The following STAG2 variants were observed in gnomAD, a reference collection of about 807,000 sequenced individuals.
STAG2 encodes the protein STAG2 cohesin complex component.
A neutral mutation model predicts 108.1 loss-of-function variants in STAG2; 14 were observed. The ratio of observed to expected loss-of-function variants is 0.13; its 90% CI spans 0.09 to 0.20. The LOEUF is 0.20. STAG2 is among the 10% of genes least tolerant of loss of function. The pLI is 1.00. For synonymous variants in STAG2, 307 were observed against 302.7 expected, an observed-to-expected ratio of 1.01 and a Z score of -0.15; for missense variants, 440 against 940.9, an observed-to-expected ratio of 0.47 and a Z score of 6.96.
At chrX:124,094,502 A>C (rs761292432) in intron 33 of STAG2, among the ~76,000 whole-genome samples, 11 of 112,331 alleles carry the variant, frequency 9.8e-5, no homozygotes, top group Non-Finnish European at 2.1e-4. Flanking sequence ...CATTATCAAA[A>C]CAATATATTA....
intron 1 of STAG2, among the ~76,000 whole-genome samples, chrX:124,009,437 A>G (rs1280911668): frequency 2.2e-5 from 2 of 89,070 alleles, no homozygotes; most frequent in African/African-American, 7.9e-5. Flanking sequence ...GTAGGTAGGT[A>G]GGTAGGTAGA....
chrX:124,100,478 T>G, intron 34 of STAG2, 96 bp from the exon 35 acceptor site: 1 of 754,613 alleles, frequency 1.3e-6, no homozygotes, highest in Non-Finnish European at 2.0e-6. Flanking sequence ...TAGCATGTTA[T>G]TTAACATAAT....
intron 1 of STAG2, among the ~76,000 whole-genome samples, chrX:123,972,866 C>CAAAAAA (rs747333406): frequency 0.018 from 399 of 21,916 alleles, 15 homozygotes; most frequent in South Asian, 0.068. Context: ...ACCAAAAATA[C>CAAAAAA]AAAAAAAAAA....
At chrX:124,082,213 C>T (rs561701796) in intron 28 of STAG2, among the ~76,000 whole-genome samples, 14 of 111,724 alleles carry the variant, frequency 1.3e-4, no homozygotes, top group Middle Eastern at 4.6e-3. Context: ...TGCACTCTTA[C>T]TTTGTAGTGA....
At chrX:123,960,564 C>T (rs1299195628), upstream of STAG2, 4 of 87,112 alleles carry the variant, frequency 4.6e-5, no homozygotes, top group African/African-American at 1.9e-4. Context: ...CTCCAAGTCG[C>T]CGAAGAGCGA....
At chrX:123,973,985 A>G (rs150090889) in intron 1 of STAG2, among the ~76,000 whole-genome samples, 6 of 111,468 alleles carry the variant, frequency 5.4e-5, no homozygotes, top group African/African-American at 2.0e-4. Context: ...AATACCGTGT[A>G]TTGGGTTTAC....
At chrX:124,055,343 A>G (rs565460872) in intron 13 of STAG2, among the ~76,000 whole-genome samples, 2 of 112,006 alleles carry the variant, frequency 1.8e-5, no homozygotes, top group East Asian at 2.8e-4. Context: ...TTGAATTTAC[A>G]TATAATGGTA....
At chrX:123,997,942 CTTG>C (rs1276958841) in intron 1 of STAG2, among the ~76,000 whole-genome samples, 1 of 111,792 alleles carries the variant, frequency 8.9e-6, no homozygotes, top group East Asian at 2.8e-4. Context: ...CGCCTGGTCC[CTTG>C]TTGTTTAATA....
At chrX:124,072,900 CTTTCTT>C (rs1406698827) in intron 25 of STAG2, among the ~76,000 whole-genome samples, 24 of 84,772 alleles carry the variant, frequency 2.8e-4, no homozygotes, top group East Asian at 1.7e-3. Context: ...TTCTTTCTTT[CTTTCTT>C]TTTTTTTTTT....
Position 124,065,133 on chromosome X carries a change from C to T in STAG2, c.2026-743C>T, listed in dbSNP as rs374309316. On this transcript the variant is annotated intron_variant, in intron 20 of 34. Transcript: ENST00000371145. ...AGGTTTGTGCAAATATGTTGATGTA[C>T]GATGATTACATTCTTAGTTAAAAAT... Among the ~76,000 whole-genome samples, 168 of 111,519 alleles carry T rather than the reference C, an allele frequency of 1.5e-3. 2 individuals are homozygous for T. Among genetic ancestry groups the T allele is most frequent in the African/African-American group, 5.2e-3 (160 of 30,686 alleles).
intron 3 of STAG2, 105 bp downstream of exon 3, chrX:124,022,776 T>C (rs1208448081): frequency 4.1e-6 from 2 of 489,910 alleles, no homozygotes; most frequent in South Asian, 4.4e-5. Context: ...AGATCTAATA[T>C]ATAAAATAGC....
chrX:124,075,035 G>A (rs1261894743), intron 25 of STAG2, among the ~76,000 whole-genome samples: 1 of 111,219 alleles, frequency 9.0e-6, no homozygotes, highest in East Asian at 2.8e-4. Context: ...TTTCTCTGAT[G>A]GTCTATCTTA....
intron 1 of STAG2, among the ~76,000 whole-genome samples, chrX:123,993,056 G>A (rs1205350346): frequency 2.7e-5 from 3 of 111,637 alleles, no homozygotes; most frequent in African/African-American, 9.8e-5. Flanking sequence ...TTAAATATAA[G>A]TGCCTAAAAA....
chrX:124,061,519 T>A (rs1412486071), intron 16 of STAG2, among the ~76,000 whole-genome samples, 178 bp downstream of exon 16: 1 of 111,656 alleles, frequency 9.0e-6, no homozygotes, highest in Admixed American at 9.6e-5. Context: ...GCTGTCAACA[T>A]TCTTTATTTT....
At chrX:124,000,763 A>T (rs1224474036) in intron 1 of STAG2, among the ~76,000 whole-genome samples, 1 of 111,871 alleles carries the variant, frequency 8.9e-6, no homozygotes, top group Non-Finnish European at 1.9e-5. Flanking sequence ...GTTATGACAG[A>T]TGACAGCTCC....
chrX:124,022,740 T>G, intron 3 of STAG2, 69 bp downstream of exon 3: 1 of 742,778 alleles, frequency 1.3e-6, no homozygotes, highest in Non-Finnish European at 1.9e-6. Context: ...TGCATTAACT[T>G]CAGTTAAATT....
At position 124,023,866 on chromosome X, in the gene STAG2, A is replaced by G. The variant is rs186918450; in HGVS notation, c.44+1195A>G. Among the ~76,000 whole-genome samples, 5 of 111,776 alleles carry G rather than the reference A, an allele frequency of 4.5e-5. No individual in the cohort carries two copies. In the East Asian group the frequency reaches 1.4e-3, roughly 31 times the overall value. On this transcript the variant is annotated intron_variant, in intron 3 of 34. Coordinates refer to ENST00000371145, the MANE Select transcript of STAG2 (RefSeq NM_001042750.2). ...GTTGTTCGGGTGGAACAGGCCCAGCATTTGACTGGGTATGTGGGGTGCAGG... is the reference window on the plus strand; with the variant it reads ...GTTGTTCGGGTGGAACAGGCCCAGCGTTTGACTGGGTATGTGGGGTGCAGG...
intron 32 of STAG2, 28 bp from the exon 33 acceptor site, chrX:124,093,990 A>G (rs375882541): frequency 1.7e-6 from 2 of 1,208,055 alleles, no homozygotes; most frequent in Admixed American, 2.2e-5. Context: ...ATTAGTTCAG[A>G]TCTTGACTTT....
intron 27 of STAG2, among the ~76,000 whole-genome samples, chrX:124,080,533 C>G (rs765130509): frequency 9.0e-6 from 1 of 110,555 alleles, no homozygotes; most frequent in Non-Finnish European, 1.9e-5. Flanking sequence ...ACTACAAATA[C>G]AAAAATTAGC....
Sources: gnomAD v4.1 joint callset for allele counts (sites outside exome capture counted in the v4.1 genomes callset) on GRCh38, gnomAD v4.1.1 for gene constraint, MANE v1.5 for transcripts, NCBI Gene and HGNC (gene_info 2026-07-23, HGNC 2026-07-21) for gene names.